Variants in WDR74 observed in about 807,000 individuals in gnomAD.
WDR74 encodes the protein WD repeat-containing protein 74.
WDR74 carries 31 observed loss-of-function variants against 45.6 expected under a neutral mutation model. The ratio of observed to expected loss-of-function variants is 0.68; its 90% CI spans 0.51 to 0.92. The LOEUF is 0.92. Among genes scored for constraint, WDR74 ranks in the 40% least tolerant of loss-of-function variants. The pLI is 0.00. For synonymous variants in WDR74, 191 were observed against 192.4 expected, an observed-to-expected ratio of 0.99 and a Z score of 0.06; for missense variants, 455 against 497.2, an observed-to-expected ratio of 0.92 and a Z score of 0.81.
chr11:62,834,709 G>C (rs1020546014), intron 6 of WDR74, 182 bp from the exon 7 acceptor site: 8 of 610,952 alleles, frequency 1.3e-5, no homozygotes, highest in Non-Finnish European at 2.3e-5. Flanking sequence ...CTGCTTAGCA[G>C]CATAAATGGA....
chr11:62,834,136 C>A, intron 8 of WDR74, 140 bp downstream of exon 8: 1 of 1,474,054 alleles, frequency 6.8e-7, no homozygotes, highest in Non-Finnish European at 9.4e-7. Flanking sequence ...GGTCATACAG[C>A]TTTTAGGGAA....
chr11:62,841,549 C>G (rs150897455), upstream of WDR74: 4 of 151,122 alleles, frequency 2.6e-5, no homozygotes, highest in East Asian at 1.9e-4. Context: ...ACAACAAGAA[C>G]ATAACTATTT....
At chr11:62,837,617 G>C (rs1252758510) in intron 3 of WDR74, among the ~76,000 whole-genome samples, 1 of 151,694 alleles carries the variant, frequency 6.6e-6, no homozygotes, top group African/African-American at 2.4e-5. Context: ...CCTCTCCCAG[G>C]CAGTACCCTC....
Position 62,833,693 on chromosome 11 carries a change from C to T in WDR74, c.922-19G>A, listed in dbSNP as rs1565220405. 1 of 1,565,906 alleles carries T rather than the reference C, an allele frequency of 6.4e-7. No homozygotes were observed. The highest frequency in any genetic ancestry group is 8.7e-7 in the Non-Finnish European group (1 of 1,154,988). ...GATAAACCTGCAAAAGATGAGGGAC[C>T]TTAAGGAGCCAGGCATGCTGAGACA... On this transcript the variant is annotated intron_variant, in intron 9 of 10. Transcript: ENST00000278856.
upstream of WDR74, chr11:62,841,474 TCAA>T (rs1324060043): frequency 2.0e-5 from 3 of 152,168 alleles, no homozygotes; most frequent in Non-Finnish European, 4.4e-5. Flanking sequence ...AAACCTTCTC[TCAA>T]CAAGACACTC....
At position 62,833,118 on chromosome 11, in the gene WDR74, T is replaced by G. The variant is rs1181211667; in HGVS notation, c.992A>C (p.Glu331Ala). ...GGGCACCTTGTTGGGTTCTTGAGGCTCTTGGGGCTCATCCTGGTGAGTGGG... is the reference window on the plus strand; with the variant it reads ...GGGCACCTTGTTGGGTTCTTGAGGCGCTTGGGGCTCATCCTGGTGAGTGGG... ...GRDNWEDEPQ[E>A]PQEPNKVPLE... Residue 331 changes from glutamate (E) to alanine (A), a missense_variant, in exon 11 of 11, where the codon GAG (glutamate) becomes GCG (alanine). Coordinates refer to ENST00000278856, the MANE Select transcript of WDR74 (RefSeq NM_001369450.1). 3 of 1,612,606 alleles carry G rather than the reference T, an allele frequency of 1.9e-6. No homozygotes were observed. Among genetic ancestry groups the G allele is most frequent in the South Asian group, 2.2e-5 (2 of 90,894 alleles).
intron 7 of WDR74, 28 bp from the exon 8 acceptor site, chr11:62,834,359 A>G: frequency 6.2e-7 from 1 of 1,613,504 alleles, no homozygotes; most frequent in African/African-American, 1.3e-5. Context: ...GGCAAGTGGG[A>G]TCAGCAGTAA....
At chr11:62,841,600 GGTT>G (rs1371225202), upstream of WDR74, 1 of 152,148 alleles carries the variant, frequency 6.6e-6, no homozygotes, top group African/African-American at 2.4e-5. Flanking sequence ...ATTAAACAAC[GGTT>G]GTTCTCTCCC....
chr11:62,835,507 C>A lies in WDR74; in HGVS notation c.542G>T (p.Arg181Leu), dbSNP rs1162216436. ...KNVRNDWLDL[R>L]VPIWDQDIQF... is the part of the protein sequence containing the mutation. ...TATGTCCTGGTCCCAGATGGGAACC[C>A]GCAAGTCCAGCCAGTCATTCCGCAC... The change falls in exon 6 of 11, where the codon CGG becomes CTG. Residue 181 changes from arginine (R) to leucine (L), a missense_variant. Arg to Leu is a moderately radical substitution (Grantham distance 102). Transcript: ENST00000278856. The A allele has an allele frequency of 6.2e-7, 1 of 1,613,930 alleles. No individual in the cohort carries two copies. The highest frequency in any genetic ancestry group is 2.2e-5 in the East Asian group (1 of 44,866).
At chr11:62,839,031 G>T in intron 3 of WDR74, 83 bp downstream of exon 3, 1 of 1,572,546 alleles carries the variant, frequency 6.4e-7, no homozygotes. Context: ...CTAAGAGTTT[G>T]CCTGTCGCCA....
chr11:62,841,544 A>T (rs141585008), upstream of WDR74: 2 of 151,336 alleles, frequency 1.3e-5, no homozygotes, highest in African/African-American at 2.4e-5. Flanking sequence ...CTCAAACAAC[A>T]AGAACATAAC....
In WDR74 at chr11:62,833,083, T is replaced by G. The variant is rs761635844; in HGVS notation, c.1027A>C (p.Thr343Pro). The change falls in exon 11 of 11, where the codon ACA (threonine) becomes CCA (proline). Residue 343 changes from threonine (T) to proline (P), a missense_variant. Thr to Pro is a conservative substitution (Grantham distance 38). Transcript: ENST00000278856. ...QEPNKVPLED[T>P]ETDELWASLE... is the part of the protein sequence containing the mutation. Reference sequence around the variant, plus strand: ...GATGCCCAAAGTTCATCTGTCTCTGTGTCTTCTAGGGGCACCTTGTTGGGT... The same window carrying G: ...GATGCCCAAAGTTCATCTGTCTCTGGGTCTTCTAGGGGCACCTTGTTGGGT... 5 of 1,612,564 alleles carry G rather than the reference T, an allele frequency of 3.1e-6. No individual in the cohort carries two copies. The highest frequency in any genetic ancestry group is 4.2e-6 in the Non-Finnish European group (5 of 1,179,414).
In WDR74 at chr11:62,839,410, T is replaced by C; in HGVS notation, c.83A>G (p.Lys28Arg). Residue 28 changes from lysine to arginine, a missense_variant, in exon 2 of 11, where the codon AAA becomes AGA. By Grantham distance (26) the Lys-to-Arg change is conservative. Coordinates refer to ENST00000278856, the MANE Select transcript of WDR74 (RefSeq NM_001369450.1). ...TCCGGCCGTGAAGTTCGCCGCCTGT[T>C]TTCGCTGAAGATTTACCCCTGAGAG... ...GILKGVNLQRKQAANFTAGGQ... is the reference protein window; with the variant it reads ...GILKGVNLQRRQAANFTAGGQ... 6.2e-7 allele frequency: 1 copy of C among 1,613,324 alleles called. No homozygotes were observed. Among genetic ancestry groups the C allele is most frequent in the Non-Finnish European group, 8.5e-7 (1 of 1,179,844 alleles).
upstream of WDR74, chr11:62,839,842 C>T: frequency 3.8e-6 from 2 of 520,758 alleles, no homozygotes; most frequent in Non-Finnish European, 6.8e-6. Context: ...TGTCTCCCGG[C>T]TCCATTATGT....
At chr11:62,838,745 C>A (rs1279774369) in intron 3 of WDR74, among the ~76,000 whole-genome samples, 13 of 145,398 alleles carry the variant, frequency 8.9e-5, no homozygotes, top group African/African-American at 3.4e-4. Flanking sequence ...GCAACAAGAG[C>A]GAAAACTCCG....
upstream of WDR74, chr11:62,841,511 A>T (rs763236747): frequency 6.6e-6 from 1 of 152,110 alleles, no homozygotes; most frequent in Non-Finnish European, 1.5e-5. Context: ...TCAACACACT[A>T]GCGATAAAAA....
intron 3 of WDR74, chr11:62,836,352 T>C: frequency 3.0e-6 from 1 of 336,982 alleles, no homozygotes; most frequent in South Asian, 2.9e-5. Flanking sequence ...GCCACTCAGC[T>C]ATGTTACAAC....
intron 7 of WDR74, 37 bp downstream of exon 7, chr11:62,834,390 G>A (rs779143474): frequency 6.3e-7 from 1 of 1,584,248 alleles, no homozygotes; most frequent in South Asian, 1.1e-5. Context: ...CCCTTCTCAA[G>A]CCCCACCCTC....
intron 3 of WDR74, chr11:62,836,420 T>C (rs1454355199): frequency 3.9e-6 from 1 of 255,214 alleles, no homozygotes; most frequent in Non-Finnish European, 7.8e-6. Context: ...CACAGCTATG[T>C]CTAGCATCTG....
Sources: allele counts gnomAD v4.1 joint callset (sites outside exome capture counted in the v4.1 genomes callset), GRCh38; gene constraint gnomAD v4.1.1; transcripts MANE v1.5; gene names NCBI Gene and HGNC (gene_info 2026-07-23, HGNC 2026-07-21).